The following IL1RAPL1 variants were observed in gnomAD, a reference collection of about 807,000 sequenced individuals.
IL1RAPL1 encodes interleukin-1 receptor accessory protein-like 1.
IL1RAPL1 carries 3 observed loss-of-function variants against 48.4 expected under a neutral mutation model. The observed-to-expected ratio is 0.06, with a 90% CI of 0.03 to 0.16. The LOEUF (loss-of-function observed/expected upper bound fraction) is 0.16. Among genes scored for constraint, IL1RAPL1 ranks in the 10% least tolerant of loss-of-function variants. IL1RAPL1 has a pLI of 1.00. For synonymous variants in IL1RAPL1, 185 were observed against 187.7 expected, an observed-to-expected ratio of 0.99 and a Z score of 0.12; for missense variants, 349 against 530.6, an observed-to-expected ratio of 0.66 and a Z score of 3.36.
At chrX:29,415,173 A>G (rs1024425063) in intron 5 of IL1RAPL1, among the ~76,000 whole-genome samples, 7 of 111,799 alleles carry the variant, frequency 6.3e-5, no homozygotes, top group Admixed American at 1.9e-4. Flanking sequence ...CATTTAGTTC[A>G]TTATTCCATG....
At chrX:29,319,628 AT>A (rs1379904635) in intron 3 of IL1RAPL1, among the ~76,000 whole-genome samples, 18 of 103,397 alleles carry the variant, frequency 1.7e-4, no homozygotes, top group African/African-American at 4.5e-4. Flanking sequence ...GTTGTCTCTC[AT>A]TTTTTTTTTC....
intron 3 of IL1RAPL1, among the ~76,000 whole-genome samples, chrX:29,368,083 G>T (rs1933491106): frequency 9.0e-6 from 1 of 110,869 alleles, no homozygotes; most frequent in Non-Finnish European, 1.9e-5. Context: ...TTAATAAAAA[G>T]GATGATTATG....
intron 5 of IL1RAPL1, among the ~76,000 whole-genome samples, chrX:29,498,288 C>T (rs1326819763): frequency 9.0e-6 from 1 of 111,630 alleles, no homozygotes; most frequent in South Asian, 3.8e-4. Context: ...GTTCTTCCCC[C>T]TCTTGGCCAT....
intron 6 of IL1RAPL1, among the ~76,000 whole-genome samples, chrX:29,731,377 C>T (rs1212705436): frequency 8.9e-6 from 1 of 111,795 alleles, no homozygotes; most frequent in Non-Finnish European, 1.9e-5. Context: ...TAAGTACATA[C>T]ATGTAGTCCC....
chrX:29,741,935 GAA>G (rs1182352727), intron 6 of IL1RAPL1, among the ~76,000 whole-genome samples: 49 of 61,850 alleles, frequency 7.9e-4, no homozygotes, highest in African/African-American at 3.0e-3. Context: ...AAAAAAAAAA[GAA>G]AAAAAAAAAA....
At chrX:29,708,553 AT>A (rs757375293) in intron 6 of IL1RAPL1, among the ~76,000 whole-genome samples, 137 of 111,229 alleles carry the variant, frequency 1.2e-3, no homozygotes, top group African/African-American at 4.2e-3. Context: ...CAAATGGTAG[AT>A]TTTTTAAAGG....
chrX:29,946,069 C>A (rs1222625797), intron 9 of IL1RAPL1, among the ~76,000 whole-genome samples: 1 of 111,282 alleles, frequency 9.0e-6, no homozygotes, highest in Non-Finnish European at 1.9e-5. Context: ...TCTAATTAGT[C>A]ATCAATATCA....
chrX:29,749,783 G>A (rs1311601396), intron 6 of IL1RAPL1, among the ~76,000 whole-genome samples: 1 of 112,214 alleles, frequency 8.9e-6, no homozygotes, highest in African/African-American at 3.2e-5. Context: ...AAAATTCTAT[G>A]TGGTGGCTGA....
intron 2 of IL1RAPL1, among the ~76,000 whole-genome samples, chrX:29,133,432 A>G (rs1270409578): frequency 1.8e-5 from 2 of 111,895 alleles, no homozygotes; most frequent in Admixed American, 1.9e-4. Flanking sequence ...CAGGTCTTAA[A>G]CTATCAGCCT....
At chrX:29,234,377 C>T (rs1174589405) in intron 2 of IL1RAPL1, among the ~76,000 whole-genome samples, 2 of 111,535 alleles carry the variant, frequency 1.8e-5, no homozygotes, top group Non-Finnish European at 3.8e-5. Context: ...CATCCGTCTC[C>T]ATGAAATCCT....
At chrX:29,777,343 A>G (rs1929222167) in intron 6 of IL1RAPL1, among the ~76,000 whole-genome samples, 1 of 112,249 alleles carries the variant, frequency 8.9e-6, no homozygotes, top group Non-Finnish European at 1.9e-5. Context: ...CTTGAAAGCA[A>G]GGGCAAAATG....
At chrX:28,783,279 A>G (rs1936441703) in intron 1 of IL1RAPL1, among the ~76,000 whole-genome samples, 1 of 112,205 alleles carries the variant, frequency 8.9e-6, no homozygotes, top group African/African-American at 3.2e-5. Flanking sequence ...TGCATTTTGG[A>G]TAAGATTATT....
At chrX:29,258,405 G>T (rs974230976) in intron 2 of IL1RAPL1, among the ~76,000 whole-genome samples, 1 of 111,083 alleles carries the variant, frequency 9.0e-6, no homozygotes, top group Non-Finnish European at 1.9e-5. Context: ...TTACCTTCGG[G>T]TTCCTCTGTG....
intron 3 of IL1RAPL1, among the ~76,000 whole-genome samples, chrX:29,356,059 C>T (rs1933297193): frequency 3.6e-5 from 4 of 111,330 alleles, no homozygotes; most frequent in Admixed American, 2.9e-4. Flanking sequence ...AAATCATTAA[C>T]TATGTGTTCT....
chrX:29,132,945 A>G (rs528220989), intron 2 of IL1RAPL1, among the ~76,000 whole-genome samples: 1 of 111,267 alleles, frequency 9.0e-6, no homozygotes, highest in East Asian at 2.8e-4. Context: ...AGATAAATAT[A>G]TTACTTGTTC....
chrX:29,101,056 G>T (rs897493061), intron 2 of IL1RAPL1, among the ~76,000 whole-genome samples: 5 of 111,424 alleles, frequency 4.5e-5, no homozygotes, highest in Non-Finnish European at 9.4e-5. Context: ...CATATAAAAA[G>T]AAATCCAAAC....
chrX:28,614,107 A>G (rs1482343110), intron 1 of IL1RAPL1, among the ~76,000 whole-genome samples: 1 of 112,132 alleles, frequency 8.9e-6, no homozygotes, highest in Non-Finnish European at 1.9e-5. Flanking sequence ...CTCCTAAACA[A>G]TTACATGGAA....
chrX:28,985,979 A>C (rs1221241384), intron 2 of IL1RAPL1, among the ~76,000 whole-genome samples: 2 of 111,847 alleles, frequency 1.8e-5, no homozygotes, highest in African/African-American at 6.5e-5. Context: ...ACATTTTTTA[A>C]AAGGTTGTCC....
At chrX:28,800,672 A>G (rs139566857) in intron 2 of IL1RAPL1, among the ~76,000 whole-genome samples, 9,276 of 110,373 alleles carry the variant, frequency 0.084, 399 homozygotes, top group Non-Finnish European at 0.13. Context: ...AAGAATGATC[A>G]TGTTACATTC....
Sources: gnomAD v4.1 joint callset for allele counts (sites outside exome capture counted in the v4.1 genomes callset) on GRCh38, gnomAD v4.1.1 for gene constraint, MANE v1.5 for transcripts, NCBI Gene and HGNC (gene_info 2026-07-23, HGNC 2026-07-21) for gene names.